ZNF644: variants seen among roughly 807,000 people sequenced by gnomAD.
ZNF644 encodes the protein zinc finger motif enhancer binding protein 2.
A neutral mutation model predicts 108.0 loss-of-function variants in ZNF644; 20 were observed. The observed-to-expected ratio is 0.19, with a 90% CI of 0.13 to 0.27. The LOEUF is 0.27. Ranked by LOEUF, ZNF644 falls within the 10% of genes least tolerant of loss-of-function variation. The pLI is 1.00. For synonymous variants in ZNF644, 542 were observed against 539.1 expected, an observed-to-expected ratio of 1.01 and a Z score of -0.08; for missense variants, 1,338 against 1,548.9, an observed-to-expected ratio of 0.86 and a Z score of 2.29.
chr1:90,917,052 C>A, intron 5 of ZNF644, 62 bp from the exon 6 acceptor site: 10 of 1,531,846 alleles, frequency 6.5e-6, no homozygotes, highest in Non-Finnish European at 9.0e-6. Context: ...CTAATTCACA[C>A]AAAATCCTAA....
intron 1 of ZNF644, among the ~76,000 whole-genome samples, chr1:91,007,474 A>C (rs988553349): frequency 6.6e-5 from 10 of 151,884 alleles, no homozygotes; most frequent in African/African-American, 2.2e-4. Context: ...TCGACCACCC[A>C]AAGTGCTGGG....
chr1:90,945,666 C>A (rs552116688), intron 2 of ZNF644, among the ~76,000 whole-genome samples: 1 of 152,146 alleles, frequency 6.6e-6, no homozygotes, highest in East Asian at 1.9e-4. Flanking sequence ...GAGCAAGCTT[C>A]CTAGGTCACT....
chr1:91,012,015 C>T lies in ZNF644; in HGVS notation c.-18+9975G>A, dbSNP rs116615102. Among the ~76,000 whole-genome samples the T allele has an allele frequency of 4.7e-3, 722 of 152,194 alleles. 4 individuals carry two copies. Among genetic ancestry groups the T allele is most frequent in the Middle Eastern group, 0.014 (4 of 292 alleles). On this transcript the variant is annotated intron_variant, in intron 1 of 5. Coordinates refer to ENST00000337393, the MANE Select transcript of ZNF644 (RefSeq NM_201269.3). Reference sequence around the variant, plus strand: ...TATCGGTGGAGGCAAATTCAAATCTCTGCATTCTAAACAAAATATCAAGTC... The same window carrying T: ...TATCGGTGGAGGCAAATTCAAATCTTTGCATTCTAAACAAAATATCAAGTC...
chr1:90,922,654 G>A (rs1458101118), intron 4 of ZNF644, among the ~76,000 whole-genome samples: 2 of 151,884 alleles, frequency 1.3e-5, no homozygotes, highest in African/African-American at 2.4e-5. Context: ...AAATTGTCAC[G>A]GGAGTTGGTG....
chr1:90,998,204 C>A (rs1658372910), intron 1 of ZNF644, among the ~76,000 whole-genome samples: 1 of 152,182 alleles, frequency 6.6e-6, no homozygotes, highest in African/African-American at 2.4e-5. Flanking sequence ...AGTAGTGGTT[C>A]TCCCAGGACG....
chr1:90,977,162 CG>C (rs1656097506), intron 2 of ZNF644, among the ~76,000 whole-genome samples: 1 of 151,958 alleles, frequency 6.6e-6, no homozygotes, highest in African/African-American at 2.4e-5. Flanking sequence ...CTAATGATTG[CG>C]TTGTAAAAGA....
At chr1:90,992,862 C>G (rs1351138197) in intron 1 of ZNF644, among the ~76,000 whole-genome samples, 1 of 152,120 alleles carries the variant, frequency 6.6e-6, no homozygotes, top group East Asian at 1.9e-4. Context: ...CTGAGCAACA[C>G]AAGGAGACTC....
At chr1:90,937,424 A>T in intron 4 of ZNF644, 61 bp downstream of exon 4, 1 of 1,608,704 alleles carries the variant, frequency 6.2e-7, no homozygotes, top group Middle Eastern at 1.7e-4. Flanking sequence ...GATTCCATTA[A>T]AGAAGGCATA....
intron 4 of ZNF644, among the ~76,000 whole-genome samples, chr1:90,922,738 T>C (rs1557543368): frequency 6.6e-6 from 1 of 152,074 alleles, no homozygotes; most frequent in Non-Finnish European, 1.5e-5. Context: ...TCCCTCCTCC[T>C]ACCCTCCACC....
intron 1 of ZNF644, among the ~76,000 whole-genome samples, chr1:91,018,097 GAAGA>G (rs1187528363): frequency 2.5e-4 from 38 of 152,324 alleles, no homozygotes; most frequent in African/African-American, 8.7e-4. Flanking sequence ...TCCTCTCCCT[GAAGA>G]AAGACAGAAT....
chr1:90,997,645 G>C (rs2101637980), intron 1 of ZNF644, among the ~76,000 whole-genome samples: 1 of 152,304 alleles, frequency 6.6e-6, no homozygotes. Context: ...CAGAACACAG[G>C]TGATTTCTGC....
chr1:90,930,238 A>C (rs1443289228), intron 4 of ZNF644, among the ~76,000 whole-genome samples: 1 of 152,198 alleles, frequency 6.6e-6, no homozygotes, highest in Non-Finnish European at 1.5e-5. Flanking sequence ...GTGAGCCGAG[A>C]CTGCACCATT....
At chr1:90,954,197 C>A (rs1410783112) in intron 2 of ZNF644, among the ~76,000 whole-genome samples, 2 of 152,176 alleles carry the variant, frequency 1.3e-5, no homozygotes, top group Non-Finnish European at 1.5e-5. Context: ...AGTAAAACTT[C>A]TTTTGATATT....
intron 1 of ZNF644, among the ~76,000 whole-genome samples, chr1:91,010,176 C>T (rs1659819875): frequency 6.6e-6 from 1 of 151,680 alleles, no homozygotes; most frequent in African/African-American, 2.4e-5. Flanking sequence ...TTATTATATG[C>T]ATTTAAAATA....
At chr1:90,942,197 C>T (rs565215440) in intron 2 of ZNF644, among the ~76,000 whole-genome samples, 36 of 152,068 alleles carry the variant, frequency 2.4e-4, no homozygotes, top group African/African-American at 8.7e-4. Context: ...ACACATTTTA[C>T]AATAGAATAG....
At chr1:91,009,946 T>G (rs1042376319) in intron 1 of ZNF644, among the ~76,000 whole-genome samples, 1 of 152,200 alleles carries the variant, frequency 6.6e-6, no homozygotes, top group African/African-American at 2.4e-5. Context: ...TATTTAAAAC[T>G]ATGCATCCTT....
chr1:90,938,500 C>T lies in ZNF644; in HGVS notation c.2854G>A (p.Val952Ile), dbSNP rs1651586892. 1 of 1,613,980 alleles carries T rather than the reference C, an allele frequency of 6.2e-7. No individual in the cohort carries two copies. Among genetic ancestry groups the T allele is most frequent in the Non-Finnish European group, 8.5e-7 (1 of 1,179,922 alleles). Residue 952 changes from valine (V) to isoleucine (I), a missense_variant, in exon 3 of 6, where the codon GTT (valine) becomes ATT (isoleucine). This residue lies in a region of ZNF644 where 462 missense variants were observed against 472.6 expected (regional missense o/e 0.98). Transcript: ENST00000337393. The surrounding 1 kb of genome is among the most constrained non-coding windows in gnomAD (Gnocchi z 4.2). ...ADASLSKHSS[V>I]FHWTDLSLEK... ...AGAGACAAATCAGTCCAATGAAAAA[C>T]AGAACTATGCTTTGACAATGAAGCA... is the stretch of plus-strand genomic sequence containing the variant.
At chr1:90,996,164 T>A (rs1195410850) in intron 1 of ZNF644, among the ~76,000 whole-genome samples, 1 of 152,036 alleles carries the variant, frequency 6.6e-6, no homozygotes, top group African/African-American at 2.4e-5. Context: ...CTACATACCC[T>A]CTAGAATAAC....
At chr1:90,975,149 G>A (rs1200805040) in intron 2 of ZNF644, among the ~76,000 whole-genome samples, 3 of 152,170 alleles carry the variant, frequency 2.0e-5, no homozygotes, top group African/African-American at 7.2e-5. Flanking sequence ...AAATGTCTAT[G>A]AGTAAAGTAT....
Sources: gnomAD v4.1 joint callset for allele counts (sites outside exome capture counted in the v4.1 genomes callset) on GRCh38, gnomAD v4.1.1 for gene constraint, gnomAD v4.1.1 regional missense constraint, Gnocchi (gnomAD v3.1) non-coding constraint, MANE v1.5 for transcripts, NCBI Gene and HGNC (gene_info 2026-07-23, HGNC 2026-07-21) for gene names.